The following HLA-DPB1 variants were observed in gnomAD, a reference collection of about 807,000 sequenced individuals.
HLA-DPB1 encodes the protein major histocompatibility complex, class II, DP beta 1, also known as HLA class II histocompatibility antigen, DP beta 1 chain.
Under a neutral mutation model 29.4 loss-of-function variants are expected in HLA-DPB1, and 30 were observed. The observed-to-expected ratio is 1.02, with a 90% CI of 0.76 to 1.38. The LOEUF is 1.38. Ranked by LOEUF, HLA-DPB1 falls within the 40% of genes most tolerant of loss-of-function variation. The probability of loss-of-function intolerance (pLI) is 0.00; values close to 1 mark genes in which losing one functional copy is unlikely to be tolerated. For missense variants in HLA-DPB1, 261 were observed against 327.5 expected, an observed-to-expected ratio of 0.80 and a Z score of 1.57; for synonymous variants, 114 against 134.0, an observed-to-expected ratio of 0.85 and a Z score of 1.03.
chr6:33,076,107 G>GC lies in HLA-DPB1; in HGVS notation c.67dup (p.Leu23ProfsTer26). ...CTCTGACGGCGTTACTGATGGTGCT[G>GC]CTCACATCTGTGGTCCAGGGCAGGG... On this transcript the variant is annotated frameshift_variant, in exon 1 of 6. Coordinates refer to ENST00000418931, the MANE Select transcript of HLA-DPB1 (RefSeq NM_002121.6). LOFTEE classifies it high-confidence loss of function. 6.2e-7 allele frequency: 1 copy of GC among 1,611,784 alleles called. No individual in the cohort carries two copies. The highest frequency in any genetic ancestry group is 8.5e-7 in the Non-Finnish European group (1 of 1,179,532).
chr6:33,083,451 G>GTGTTTGTTTTTTGTTT (rs1762961939), intron 2 of HLA-DPB1: 1 of 152,428 alleles, frequency 6.6e-6, no homozygotes, highest in Non-Finnish European at 1.5e-5. Flanking sequence ...ACCCTTTTCT[G>GTGTTTGTTTTTTGTTT]TGTTTGTTTT....
In HLA-DPB1 at chr6:33,087,335, A is replaced by G. The variant is rs3097678; in HGVS notation, c.*801A>G. 2,690 of 154,152 alleles carry G rather than the reference A, an allele frequency of 0.017. 76 individuals are homozygous for G. The highest frequency in any genetic ancestry group is 0.062 in the African/African-American group (2,559 of 41,440). The allele number at this position is 154,152 out of a possible 1,614,324, so 9.5% of individuals were successfully genotyped here. ...GCCTAGGCCTCCTGTCTTAATTTTCATACAGACAGAAATGACTCCCCACTG... is the reference window on the plus strand; with the variant it reads ...GCCTAGGCCTCCTGTCTTAATTTTCGTACAGACAGAAATGACTCCCCACTG... On this transcript the variant is annotated 3_prime_UTR_variant, in exon 6 of 6. Coordinates refer to ENST00000418931, the MANE Select transcript of HLA-DPB1 (RefSeq NM_002121.6).
At chr6:33,076,210 A>C in intron 1 of HLA-DPB1, 69 bp downstream of exon 1, 2 of 1,082,710 alleles carry the variant, frequency 1.8e-6, no homozygotes, top group Non-Finnish European at 2.7e-6. Context: ...GTTATCTTTA[A>C]GGGATCAAAT....
chr6:33,082,302 C>G (rs9277363), intron 2 of HLA-DPB1, among the ~76,000 whole-genome samples: 56,403 of 151,372 alleles, frequency 0.37, 11,876 homozygotes, highest in East Asian at 0.63. Flanking sequence ...AGATTGCAGA[C>G]AGCCCTGATG....
rs9277555 is a variant in HLA-DPB1, at chr6:33,087,828, G to A, written c.*1294G>A. ...CTGGAGTCTGCAGAGAGGCTGGACT[G>A]AGTCAGGGAGTCAGGAAAGAGAAGC... On this transcript the variant is annotated 3_prime_UTR_variant, in exon 6 of 6. Transcript: ENST00000418931. 0.33 allele frequency among the ~76,000 whole-genome samples: 49,635 copies of A among 152,066 alleles called. 9,115 individuals are homozygous for A. The highest frequency in any genetic ancestry group is 0.57 in the East Asian group (2,921 of 5,168).
Position 33,088,753 on chromosome 6 carries a change from G to A in HLA-DPB1, c.*2219G>A, listed in dbSNP as rs1037383439. Among the ~76,000 whole-genome samples the A allele has an allele frequency of 2.0e-5, 3 of 152,184 alleles. No homozygotes were observed. Among genetic ancestry groups the A allele is most frequent in the Non-Finnish European group, 4.4e-5 (3 of 68,028 alleles). ...GGTAGAGGAGTCTTGAGGTACATCAGTCATTGGAGTTGAAGAGCAGAGATT... is the reference window on the plus strand; with the variant it reads ...GGTAGAGGAGTCTTGAGGTACATCAATCATTGGAGTTGAAGAGCAGAGATT... On this transcript the variant is annotated 3_prime_UTR_variant, in exon 6 of 6. Transcript: ENST00000418931.
chr6:33,085,883 A>G lies in HLA-DPB1; in HGVS notation c.751A>G (p.Lys251Glu). 6.2e-7 allele frequency: 1 copy of G among 1,608,440 alleles called. No individual in the cohort carries two copies. Among genetic ancestry groups the G allele is most frequent in the African/African-American group, 1.3e-5 (1 of 74,830 alleles). Residue 251 changes from lysine (K) to glutamate (E), a missense_variant, in exon 4 of 6, where the codon AAG (lysine) becomes GAG (glutamate). Physicochemically the swap from Lys to Glu is moderately conservative, Grantham distance 56. Coordinates refer to ENST00000418931, the MANE Select transcript of HLA-DPB1 (RefSeq NM_002121.6). ...GVGIFMHRRS[K>E]KVQRGSA Reference sequence around the variant, plus strand: ...GGGCATCTTCATGCACAGGAGGAGCAAGAAAGGTGAGAAAGCCTGCAGGGT... The same window carrying G: ...GGGCATCTTCATGCACAGGAGGAGCGAGAAAGGTGAGAAAGCCTGCAGGGT...
At chr6:33,081,054 T>C in intron 2 of HLA-DPB1, 119 bp downstream of exon 2, 1 of 1,217,370 alleles carries the variant, frequency 8.2e-7, no homozygotes, top group Non-Finnish European at 1.1e-6. Context: ...GGACTTTGGG[T>C]TGGGGATTCA....
Position 33,080,972 on chromosome 6 carries a change from CCCCG to C in HLA-DPB1, c.364+39_364+42del. ...CTTTGGGCCGGCGGTCCCAGGGCAG[CCCCG>C]CGGGCCCGTGCCCAGGGCGCAGGAG... On this transcript the variant is annotated intron_variant, in intron 2 of 5. Transcript: ENST00000418931. This position sits in a 1 kb window ranked among gnomAD's most constrained non-coding sequence, Gnocchi z 4.3. The C allele has an allele frequency of 6.5e-7, 1 of 1,531,682 alleles. No homozygotes were observed. The highest frequency in any genetic ancestry group is 1.3e-5 in the South Asian group (1 of 79,244). 94.9% of individuals were successfully genotyped at this position (1,531,682 alleles called of 1,614,324 possible).
chr6:33,076,247 C>T lies in HLA-DPB1; in HGVS notation c.100+106C>T, dbSNP rs534193820. ...CTGAGACAGGCTGCGGGGGCTCCTG[C>T]CCTAAGGCAGTGTCCTCTCTTCCCA... On this transcript the variant is annotated intron_variant, in intron 1 of 5. Coordinates refer to ENST00000418931, the MANE Select transcript of HLA-DPB1 (RefSeq NM_002121.6). 881 of 738,244 alleles carry T rather than the reference C, an allele frequency of 1.2e-3. 1 individual carries two copies. The highest frequency in any genetic ancestry group is 1.6e-3 in the Non-Finnish European group (689 of 438,054). The allele number at this position is 738,244 out of a possible 1,614,324, so 45.7% of individuals were successfully genotyped here.
chr6:33,082,592 C>G (rs9277380), intron 2 of HLA-DPB1, among the ~76,000 whole-genome samples: 56,957 of 151,854 alleles, frequency 0.38, 12,136 homozygotes, highest in East Asian at 0.63. Context: ...AGGGTGCTGG[C>G]TAGAGGAGGG....
chr6:33,087,827 T>C lies in HLA-DPB1; in HGVS notation c.*1293T>C, dbSNP rs1158608664. ...GCTGGAGTCTGCAGAGAGGCTGGAC[T>C]GAGTCAGGGAGTCAGGAAAGAGAAG... On this transcript the variant is annotated 3_prime_UTR_variant, in exon 6 of 6. Transcript: ENST00000418931. 6.6e-6 allele frequency among the ~76,000 whole-genome samples: 1 copy of C among 152,180 alleles called. No individual in the cohort carries two copies. Among genetic ancestry groups the C allele is most frequent in the Non-Finnish European group, 1.5e-5 (1 of 68,024 alleles).
Position 33,086,601 on chromosome 6 carries a change from G to A in HLA-DPB1, c.*67G>A, listed in dbSNP as rs6760. 0.05 allele frequency: 26,729 copies of A among 532,490 alleles called. 3,003 individuals are homozygous for A. The highest frequency in any genetic ancestry group is 0.29 in the African/African-American group (14,366 of 48,782). 33.0% of individuals were successfully genotyped at this position (532,490 alleles called of 1,614,324 possible). ...GAAAAGCATTTGCTGTGTTTCGTTAGCATCTGGCTCCAGGACAGACCTTCA... is the reference window on the plus strand; with the variant it reads ...GAAAAGCATTTGCTGTGTTTCGTTAACATCTGGCTCCAGGACAGACCTTCA... On this transcript the variant is annotated 3_prime_UTR_variant, in exon 6 of 6. Transcript: ENST00000418931.
intron 1 of HLA-DPB1, among the ~76,000 whole-genome samples, chr6:33,077,723 T>C (rs2856816): frequency 0.2 from 31,029 of 151,976 alleles, 5,382 homozygotes; most frequent in East Asian, 0.54. Flanking sequence ...TGACTTCCAC[T>C]TTTCCTGCTT....
chr6:33,081,819 T>G (rs9501249), intron 2 of HLA-DPB1, among the ~76,000 whole-genome samples: 5,941 of 152,174 alleles, frequency 0.039, 173 homozygotes, highest in African/African-American at 0.081. Context: ...TCAGGAAGTC[T>G]GGGTGTAAAG....
chr6:33,085,667 G>A (rs9277467), intron 3 of HLA-DPB1, 112 bp from the exon 4 acceptor site: 34,328 of 781,320 alleles, frequency 0.044, 925 homozygotes, highest in Middle Eastern at 0.08. Flanking sequence ...AGCTTTTTCC[G>A]CTGCACTGTC....
Position 33,089,428 on chromosome 6 carries a change from G to A in HLA-DPB1, c.*2894G>A, listed in dbSNP as rs531521473. On this transcript the variant is annotated 3_prime_UTR_variant, in exon 6 of 6. Coordinates refer to ENST00000418931, the MANE Select transcript of HLA-DPB1 (RefSeq NM_002121.6). The stretch of plus-strand genomic sequence containing the variant: ...ACGTCCAAAGTAAGTCATGCAGGAA[G>A]CTCTGCTCATCATCGTACTCAGGAA... Among the ~76,000 whole-genome samples, 11 of 152,292 alleles carry A rather than the reference G, an allele frequency of 7.2e-5. No individual in the cohort carries two copies. The highest frequency in any genetic ancestry group is 1.5e-4 in the Non-Finnish European group (10 of 68,018).
rs186748908 is a variant in HLA-DPB1, at chr6:33,086,778, T to C, written c.*244T>C. On this transcript the variant is annotated 3_prime_UTR_variant, in exon 6 of 6. Coordinates refer to ENST00000418931, the MANE Select transcript of HLA-DPB1 (RefSeq NM_002121.6). ...AAATAATCAAAACCCAACATGACTG[T>C]TTGTTTTCCTTTAAAAATATGCACC... 2.8e-4 allele frequency: 95 copies of C among 339,606 alleles called. No individual in the cohort carries two copies. The East Asian group carries it at 9.7e-3, about 35-fold the overall frequency. 21.0% of individuals were successfully genotyped at this position (339,606 alleles called of 1,614,324 possible).
At chr6:33,081,148 CAG>C in intron 2 of HLA-DPB1, 2 of 576,732 alleles carry the variant, frequency 3.5e-6, no homozygotes, top group Non-Finnish European at 3.0e-6. Context: ...AGGACGAGAG[CAG>C]AGAGACCCCC....
Sources: allele counts gnomAD v4.1 joint callset (sites outside exome capture counted in the v4.1 genomes callset), GRCh38; gene constraint gnomAD v4.1.1; non-coding constraint Gnocchi (gnomAD v3.1); transcripts MANE v1.5; gene names NCBI Gene and HGNC (gene_info 2026-07-23, HGNC 2026-07-21).